The following HELZ variants were observed in gnomAD, a reference collection of about 807,000 sequenced individuals.
HELZ encodes helicase with zinc finger, also known as ATP-dependent RNA helicase with zinc finger domain.
Under a neutral mutation model 218.2 loss-of-function variants are expected in HELZ, and 23 were observed. That is an observed-to-expected ratio of 0.11 (90% CI 0.08 to 0.15). The LOEUF (loss-of-function observed/expected upper bound fraction) is 0.15, where lower values mean the gene tolerates loss of function less well. Ranked by LOEUF, HELZ falls within the 10% of genes least tolerant of loss-of-function variation. HELZ has a pLI of 1.00. For missense variants in HELZ, 1,813 were observed against 2,353.7 expected, an observed-to-expected ratio of 0.77 and a Z score of 4.75; for synonymous variants, 814 against 829.4, an observed-to-expected ratio of 0.98 and a Z score of 0.32.
In HELZ at chr17:67,147,831, T is replaced by C. The variant is rs34505275; in HGVS notation, c.2621+738A>G. ...GAATGCTGACATCACAAAGCTTCCA[T>C]AAAAACCCAAAGAACTGGGTTCGAA... On this transcript the variant is annotated intron_variant, in intron 20 of 32. Transcript: ENST00000358691. Among the ~76,000 whole-genome samples, 686 of 152,242 alleles carry C rather than the reference T, an allele frequency of 4.5e-3. 8 individuals are homozygous for C. The highest frequency in any genetic ancestry group is 4.9e-3 in the Non-Finnish European group (330 of 68,006).
intron 31 of HELZ, among the ~76,000 whole-genome samples, chr17:67,092,952 A>G (rs2143634578): frequency 6.6e-6 from 1 of 152,186 alleles, no homozygotes; most frequent in Non-Finnish European, 1.5e-5. Flanking sequence ...TGGGTGACAG[A>G]GCAAAACTCT....
chr17:67,159,616 ATTCT>A (rs983311260), intron 17 of HELZ, among the ~76,000 whole-genome samples: 4 of 152,180 alleles, frequency 2.6e-5, no homozygotes, highest in South Asian at 2.1e-4. Context: ...CAATTTGATG[ATTCT>A]TTATTGTTTT....
intron 13 of HELZ, chr17:67,172,914 A>G (rs8067446): frequency 1.3e-5 from 4 of 306,752 alleles, no homozygotes; most frequent in African/African-American, 9.0e-5. Context: ...GCCTTAGGCC[A>G]TATATTAAAG....
At position 67,199,362 on chromosome 17, in the gene HELZ, G is replaced by C. The variant is rs2143075990; in HGVS notation, c.429+1767C>G. 1.3e-5 allele frequency among the ~76,000 whole-genome samples: 2 copies of C among 152,034 alleles called. 1 individual carries two copies. The highest frequency in any genetic ancestry group is 4.2e-4 in the South Asian group (2 of 4,802). On this transcript the variant is annotated intron_variant, in intron 7 of 32. Coordinates refer to ENST00000358691, the MANE Select transcript of HELZ (RefSeq NM_014877.4). ...TGAGTAGCTGGGATTACAGGCTCCT[G>C]CCACCATGCCTGACTAATTTTTGTA...
Position 67,107,821 on chromosome 17 carries a change from G to C in HELZ, c.4725-136C>G, listed in dbSNP as rs1003246143. The C allele has an allele frequency of 4.1e-6, 3 of 733,660 alleles. No individual in the cohort carries two copies. The African/African-American group carries it at 5.3e-5, about 13-fold the overall frequency. The allele number at this position is 733,660 out of a possible 1,614,324, so 45.4% of individuals were successfully genotyped here. On this transcript the variant is annotated intron_variant, in intron 30 of 32. Coordinates refer to ENST00000358691, the MANE Select transcript of HELZ (RefSeq NM_014877.4). ...CTAGAACTGGCATTAATTCATCTCA[G>C]ATGTAAGCATTAACACTCAATAGAT...
At chr17:67,113,409 G>A (rs1343196266) in intron 28 of HELZ, among the ~76,000 whole-genome samples, 1 of 151,974 alleles carries the variant, frequency 6.6e-6, no homozygotes, top group African/African-American at 2.4e-5. Context: ...ACAGGCGCCC[G>A]CCACCACGCC....
chr17:67,134,645 A>C (rs2038090940), intron 23 of HELZ, among the ~76,000 whole-genome samples: 1 of 152,132 alleles, frequency 6.6e-6, no homozygotes, highest in Non-Finnish European at 1.5e-5. Context: ...CTAATATATG[A>C]AACTTATTCT....
intron 32 of HELZ, among the ~76,000 whole-genome samples, chr17:67,085,138 G>A (rs1372263761): frequency 1.3e-5 from 2 of 152,016 alleles, no homozygotes; most frequent in Admixed American, 6.6e-5. Flanking sequence ...TGACAAAGCA[G>A]CCAGGCATGG....
intron 3 of HELZ, among the ~76,000 whole-genome samples, chr17:67,228,788 G>A (rs893129209): frequency 2.6e-5 from 4 of 151,552 alleles, no homozygotes; most frequent in Admixed American, 6.6e-5. Context: ...ACGCAATCTC[G>A]GCTCACTGCA....
chr17:67,139,895 A>T (rs531293969), intron 21 of HELZ, among the ~76,000 whole-genome samples: 1 of 152,290 alleles, frequency 6.6e-6, no homozygotes, highest in East Asian at 1.9e-4. Flanking sequence ...TATGATAAGC[A>T]GTTGGTAGTA....
intron 3 of HELZ, among the ~76,000 whole-genome samples, chr17:67,238,440 G>C (rs981287604): frequency 2.6e-5 from 4 of 151,734 alleles, no homozygotes; most frequent in African/African-American, 4.8e-5. Flanking sequence ...CTGACACTTT[G>C]GGAGGCCGAA....
chr17:67,153,118 T>C (rs2038738032), intron 17 of HELZ, among the ~76,000 whole-genome samples: 1 of 152,132 alleles, frequency 6.6e-6, no homozygotes, highest in Admixed American at 6.5e-5. Flanking sequence ...CCAGGGAGTA[T>C]ATATAGACAA....
intron 3 of HELZ, among the ~76,000 whole-genome samples, chr17:67,237,004 C>G (rs774411023): frequency 6.6e-6 from 1 of 152,184 alleles, no homozygotes; most frequent in Non-Finnish European, 1.5e-5. Context: ...TCCCTATGAA[C>G]CCGTGGGAGA....
At chr17:67,121,689 G>A (rs1349070908) in intron 26 of HELZ, among the ~76,000 whole-genome samples, 13 of 152,124 alleles carry the variant, frequency 8.5e-5, no homozygotes, top group Admixed American at 3.3e-4. Flanking sequence ...GAAAATACTC[G>A]TGTCAGCAAA....
At chr17:67,236,284 C>A (rs748997706) in intron 3 of HELZ, among the ~76,000 whole-genome samples, 6 of 152,194 alleles carry the variant, frequency 3.9e-5, no homozygotes, top group Non-Finnish European at 7.3e-5. Flanking sequence ...GTTTTCTCTA[C>A]TACTTATGGT....
At chr17:67,184,820 CAAATAAATAAAT>C (rs3048665) in intron 12 of HELZ, among the ~76,000 whole-genome samples, 8 of 150,088 alleles carry the variant, frequency 5.3e-5, no homozygotes, top group Admixed American at 1.3e-4. Flanking sequence ...TGTCTCTAAA[CAAATAAATAAAT>C]AAATAAATAA....
intron 5 of HELZ, 56 bp from the exon 6 acceptor site, chr17:67,203,499 T>A: frequency 6.2e-7 from 1 of 1,600,316 alleles, no homozygotes; most frequent in Non-Finnish European, 8.5e-7. Context: ...ACATTTTTCT[T>A]GATTATAGTA....
chr17:67,153,822 G>A (rs1013617181), intron 17 of HELZ, among the ~76,000 whole-genome samples: 4 of 152,174 alleles, frequency 2.6e-5, no homozygotes, highest in African/African-American at 9.7e-5. Context: ...AAGGTATGTT[G>A]TTTACTCCAT....
chr17:67,207,169 C>T (rs1317100137), intron 5 of HELZ, among the ~76,000 whole-genome samples: 1 of 150,714 alleles, frequency 6.6e-6, no homozygotes, highest in African/African-American at 2.5e-5. Flanking sequence ...GCCTCTGCCT[C>T]CCAAAGTGCT....
Sources: gnomAD v4.1 joint callset for allele counts (sites outside exome capture counted in the v4.1 genomes callset) on GRCh38, gnomAD v4.1.1 for gene constraint, MANE v1.5 for transcripts, NCBI Gene and HGNC (gene_info 2026-07-23, HGNC 2026-07-21) for gene names.